The following ZMYND11 variants were observed in gnomAD, a reference collection of about 807,000 sequenced individuals.
ZMYND11 encodes the protein zinc finger MYND domain-containing protein 11.
A neutral mutation model predicts 84.9 loss-of-function variants in ZMYND11; 9 were observed. That is an observed-to-expected ratio of 0.11 (90% CI 0.06 to 0.18). The LOEUF (loss-of-function observed/expected upper bound fraction) is 0.18. Among genes scored for constraint, ZMYND11 ranks in the 10% least tolerant of loss-of-function variants. ZMYND11 has a pLI of 1.00. For synonymous variants in ZMYND11, 250 were observed against 244.1 expected (o/e 1.02, Z -0.23); for missense variants, 409 against 761.0 (o/e 0.54, Z 5.44).
chr10:134,241 G>A (rs782409829), upstream of ZMYND11, among the ~76,000 whole-genome samples: 28 of 152,204 alleles, frequency 1.8e-4, no homozygotes, highest in Non-Finnish European at 3.7e-4. Context: ...TAAAAGTTAT[G>A]AGAATGCGGT....
At chr10:229,009 G>A (rs938635931) in intron 4 of ZMYND11, among the ~76,000 whole-genome samples, 4 of 151,992 alleles carry the variant, frequency 2.6e-5, no homozygotes, top group African/African-American at 9.7e-5. Context: ...TTTCTATCAC[G>A]GTTTGTTTTG....
At chr10:198,614 CGTT>C (rs1435599803) in intron 2 of ZMYND11, among the ~76,000 whole-genome samples, 4 of 152,054 alleles carry the variant, frequency 2.6e-5, no homozygotes, top group South Asian at 2.1e-4. Context: ...TTTCACCTCT[CGTT>C]GGCATTTTTC....
chr10:232,996 C>G (rs1377630186), intron 4 of ZMYND11, among the ~76,000 whole-genome samples: 1 of 152,158 alleles, frequency 6.6e-6, no homozygotes, highest in Non-Finnish European at 1.5e-5. Context: ...TACATCTTGT[C>G]AGAACACCAG....
chr10:153,033 T>C (rs1410159847), intron 1 of ZMYND11, among the ~76,000 whole-genome samples: 2 of 152,224 alleles, frequency 1.3e-5, no homozygotes, highest in African/African-American at 4.8e-5. Context: ...ACTTTTGGTG[T>C]AAGCTGTTTG....
chr10:195,122 A>G (rs1011489550), intron 2 of ZMYND11, among the ~76,000 whole-genome samples: 1 of 152,244 alleles, frequency 6.6e-6, no homozygotes, highest in Non-Finnish European at 1.5e-5. Flanking sequence ...ATACTGGAAT[A>G]CTGCAAAACT....
Position 169,519 on chromosome 10 carries a change from T to C in ZMYND11, c.-19-10475T>C, listed in dbSNP as rs377687590. Among the ~76,000 whole-genome samples the C allele has an allele frequency of 6.8e-4, 103 of 152,126 alleles. 1 individual carries two copies. The highest frequency in any genetic ancestry group is 2.3e-3 in the African/African-American group (96 of 41,434). ...GACCAGGGGTTATTAAAAACTATGA[T>C]TAAAATGCTAAGAGTTTTAATGCCA... On this transcript the variant is annotated intron_variant, in intron 1 of 14. Coordinates refer to ENST00000381604, the MANE Select transcript of ZMYND11 (RefSeq NM_001370100.5).
chr10:240,009 G>GTATT, intron 7 of ZMYND11, 47 bp from the exon 8 acceptor site: 1 of 1,503,156 alleles, frequency 6.7e-7, no homozygotes, highest in Non-Finnish European at 9.1e-7. Context: ...TTTGAGTCTT[G>GTATT]TATTTGCAGA....
At chr10:205,899 A>G (rs905267909) in intron 2 of ZMYND11, among the ~76,000 whole-genome samples, 6 of 151,346 alleles carry the variant, frequency 4.0e-5, no homozygotes, top group African/African-American at 1.2e-4. Flanking sequence ...AACTTTTGGA[A>G]TCTCTTCAAG....
intron 2 of ZMYND11, among the ~76,000 whole-genome samples, chr10:192,543 A>G (rs997521861): frequency 1.5e-4 from 23 of 152,194 alleles, no homozygotes; most frequent in Admixed American, 6.5e-5. Context: ...TTTCAGTACC[A>G]CAGATGACAC....
intron 1 of ZMYND11, among the ~76,000 whole-genome samples, chr10:146,982 T>C (rs181699503): frequency 9.2e-5 from 14 of 152,372 alleles, no homozygotes; most frequent in Non-Finnish European, 1.8e-4. Context: ...AACCTCTCTT[T>C]CTTTATAAAT....
chr10:176,879 T>C (rs1554767068), intron 1 of ZMYND11, among the ~76,000 whole-genome samples: 1 of 152,094 alleles, frequency 6.6e-6, no homozygotes, highest in Non-Finnish European at 1.5e-5. Context: ...TTTGGGAGCA[T>C]AATTGGGAAC....
At chr10:131,184 A>G (rs1169456428), upstream of ZMYND11, among the ~76,000 whole-genome samples, 4 of 152,196 alleles carry the variant, frequency 2.6e-5, no homozygotes, top group African/African-American at 4.8e-5. Flanking sequence ...GAAAGAAGGC[A>G]CACACATACA....
At position 221,199 on chromosome 10, in the gene ZMYND11, G is replaced by T. The variant is rs1321955859; in HGVS notation, c.281G>T (p.Trp94Leu). The T allele has an allele frequency of 6.2e-7, 1 of 1,613,304 alleles. No individual in the cohort carries two copies. Among genetic ancestry groups the T allele is most frequent in the Non-Finnish European group, 8.5e-7 (1 of 1,179,566 alleles). Reference sequence around the variant, plus strand: ...CTATTTTGTACTTTTTTGTAGGACTGGGAAACAGAAAATCATGACTGGTAT... The same window carrying T: ...CTATTTTGTACTTTTTTGTAGGACTTGGAAACAGAAAATCATGACTGGTAT... Reference protein sequence around the residue: ...GYWLPGDEIDWETENHDWYCF... With the variant: ...GYWLPGDEIDLETENHDWYCF... Residue 94 changes from tryptophan to leucine, a missense_variant, in exon 4 of 15, where the codon TGG becomes TTG. By Grantham distance (61) the Trp-to-Leu change is moderately conservative. Coordinates refer to ENST00000381604, the MANE Select transcript of ZMYND11 (RefSeq NM_001370100.5).
At chr10:157,635 AAATTCTTTGT>A (rs1554759761) in intron 1 of ZMYND11, among the ~76,000 whole-genome samples, 1 of 152,194 alleles carries the variant, frequency 6.6e-6, no homozygotes, top group Non-Finnish European at 1.5e-5. Flanking sequence ...CCTGGTTTGG[AAATTCTTTGT>A]AATTCTTTGT....
intron 1 of ZMYND11, among the ~76,000 whole-genome samples, chr10:136,036 G>GT (rs1450185301): frequency 2.0e-5 from 3 of 151,954 alleles, no homozygotes; most frequent in African/African-American, 7.2e-5. Flanking sequence ...GGCACGTCGT[G>GT]TGCTAGCCCG....
chr10:235,652 G>C (rs1045101263), intron 4 of ZMYND11, among the ~76,000 whole-genome samples: 6 of 152,198 alleles, frequency 3.9e-5, no homozygotes, highest in Non-Finnish European at 1.5e-5. Context: ...TGCGAGGCCA[G>C]GGTTGAGAAG....
At chr10:178,434 C>T (rs1245011146) in intron 1 of ZMYND11, among the ~76,000 whole-genome samples, 1 of 152,158 alleles carries the variant, frequency 6.6e-6, no homozygotes, top group Non-Finnish European at 1.5e-5. Flanking sequence ...ATGTCACTTT[C>T]TGACATATGT....
Position 154,276 on chromosome 10 carries a change from C to T in ZMYND11, c.-20+18717C>T, listed in dbSNP as rs146902180. On this transcript the variant is annotated intron_variant, in intron 1 of 14. Transcript: ENST00000381604. ...TATAATTCATACCTGAACAAAAGCTCGTCTAATACATACACATGTATGGTG... is the reference window on the plus strand; with the variant it reads ...TATAATTCATACCTGAACAAAAGCTTGTCTAATACATACACATGTATGGTG... Among the ~76,000 whole-genome samples, 36 of 152,224 alleles carry T rather than the reference C, an allele frequency of 2.4e-4. No individual in the cohort carries two copies. In the East Asian group the frequency reaches 4.8e-3, roughly 20 times the overall value.
intron 4 of ZMYND11, among the ~76,000 whole-genome samples, chr10:224,699 G>A (rs1215817453): frequency 4.6e-5 from 7 of 152,138 alleles, no homozygotes; most frequent in African/African-American, 1.7e-4. Flanking sequence ...TACTGGATGT[G>A]GCTAGTGTGT....
Sources: allele counts gnomAD v4.1 joint callset (sites outside exome capture counted in the v4.1 genomes callset), GRCh38; gene constraint gnomAD v4.1.1; transcripts MANE v1.5; gene names NCBI Gene and HGNC (gene_info 2026-07-23, HGNC 2026-07-21).